Variants in CEP128 observed in about 807,000 individuals in gnomAD.
CEP128 encodes the protein centrosomal protein 128kDa.
A neutral mutation model predicts 156.7 loss-of-function variants in CEP128; 132 were observed. That is an observed-to-expected ratio of 0.84 (90% CI 0.73 to 0.97). The LOEUF is 0.97. Ranked by LOEUF, CEP128 falls within the 50% of genes least tolerant of loss-of-function variation. The pLI is 0.00. For synonymous variants in CEP128, 469 were observed against 448.9 expected (o/e 1.04, Z -0.57); for missense variants, 1,252 against 1,281.9 (o/e 0.98, Z 0.36).
At chr14:80,685,042 C>A (rs527583251) in intron 19 of CEP128, among the ~76,000 whole-genome samples, 1 of 152,054 alleles carries the variant, frequency 6.6e-6, no homozygotes, top group Admixed American at 6.6e-5. Flanking sequence ...TGGAACAATA[C>A]AAGGATGCCC....
At chr14:80,511,771 A>C (rs1034165184) in intron 23 of CEP128, among the ~76,000 whole-genome samples, 1 of 151,924 alleles carries the variant, frequency 6.6e-6, no homozygotes, top group Admixed American at 6.6e-5. Flanking sequence ...TGTACCCCAG[A>C]GGTTTTGATA....
chr14:80,559,253 A>G, intron 21 of CEP128, 26 bp downstream of exon 21: 1 of 1,598,444 alleles, frequency 6.3e-7, no homozygotes, highest in Non-Finnish European at 8.6e-7. Context: ...TTCTGATAAA[A>G]GGAGAAAGAA....
At chr14:80,707,751 TTCC>T (rs2139394261) in intron 19 of CEP128, among the ~76,000 whole-genome samples, 1 of 152,316 alleles carries the variant, frequency 6.6e-6, no homozygotes, top group East Asian at 1.9e-4. Flanking sequence ...ATTTGATTTA[TTCC>T]TCAAGACAAA....
intron 19 of CEP128, among the ~76,000 whole-genome samples, chr14:80,681,012 T>C (rs1896301132): frequency 6.9e-6 from 1 of 144,514 alleles, no homozygotes; most frequent in Non-Finnish European, 1.5e-5. Context: ...TATACGTATA[T>C]ACCATGCTGG....
intron 19 of CEP128, among the ~76,000 whole-genome samples, chr14:80,698,904 C>T (rs1896976395): frequency 6.6e-6 from 1 of 151,878 alleles, no homozygotes; most frequent in South Asian, 2.1e-4. Context: ...CATTTCATTC[C>T]CATTCTAGAT....
intron 21 of CEP128, among the ~76,000 whole-genome samples, chr14:80,543,765 T>A (rs1434780829): frequency 6.6e-6 from 1 of 152,208 alleles, no homozygotes; most frequent in Non-Finnish European, 1.5e-5. Flanking sequence ...TGAAGCTTTG[T>A]GGCTGGTAGC....
chr14:80,662,006 G>C (rs112844829), intron 19 of CEP128, among the ~76,000 whole-genome samples: 1 of 152,190 alleles, frequency 6.6e-6, no homozygotes, highest in African/African-American at 2.4e-5. Context: ...GAAGCTTCCT[G>C]GCTGCTTGGA....
At chr14:80,650,302 T>G (rs944006417) in intron 19 of CEP128, among the ~76,000 whole-genome samples, 7 of 152,208 alleles carry the variant, frequency 4.6e-5, no homozygotes, top group African/African-American at 7.2e-5. Flanking sequence ...CTTATCAGCT[T>G]AAGGAAAGTT....
At chr14:80,563,046 CA>C (rs764797382) in intron 20 of CEP128, among the ~76,000 whole-genome samples, 5 of 152,108 alleles carry the variant, frequency 3.3e-5, no homozygotes, top group Non-Finnish European at 5.9e-5. Context: ...ATAATTACAA[CA>C]AAATAAATTA....
chr14:80,655,978 T>C (rs1484677808), intron 19 of CEP128, among the ~76,000 whole-genome samples: 1 of 151,946 alleles, frequency 6.6e-6, no homozygotes, highest in Non-Finnish European at 1.5e-5. Context: ...GACCTACTAA[T>C]AAGACCTACT....
chr14:80,480,555 C>G (rs1887032357), intron 14 of CEP128, among the ~76,000 whole-genome samples: 2 of 152,132 alleles, frequency 1.3e-5, no homozygotes, highest in South Asian at 4.1e-4. Context: ...CCTCCTGGGC[C>G]TGCAGGCCTG....
At chr14:80,832,968 T>C (rs1041433715) in intron 12 of CEP128, among the ~76,000 whole-genome samples, 2 of 152,184 alleles carry the variant, frequency 1.3e-5, no homozygotes, top group African/African-American at 4.8e-5. Flanking sequence ...ATTCAACCAC[T>C]GTATTGCAAA....
chr14:80,846,224 G>C (rs1358399580), intron 9 of CEP128, among the ~76,000 whole-genome samples: 1 of 152,064 alleles, frequency 6.6e-6, no homozygotes, highest in Non-Finnish European at 1.5e-5. Flanking sequence ...TATGTGTCAG[G>C]CTTAAACACA....
chr14:80,659,070 T>C (rs1400536512), intron 19 of CEP128, among the ~76,000 whole-genome samples: 1 of 152,200 alleles, frequency 6.6e-6, no homozygotes, highest in Non-Finnish European at 1.5e-5. Flanking sequence ...TTGTGACAAG[T>C]GGTAAAATGT....
chr14:80,931,841 G>C (rs1885486989), intron 2 of CEP128, among the ~76,000 whole-genome samples: 1 of 152,220 alleles, frequency 6.6e-6, no homozygotes, highest in South Asian at 2.1e-4. Context: ...GACTGAGCCA[G>C]GGCCTTCTTT....
At chr14:80,771,766 T>C (rs1212457361) in intron 16 of CEP128, among the ~76,000 whole-genome samples, 1 of 152,216 alleles carries the variant, frequency 6.6e-6, no homozygotes, top group Non-Finnish European at 1.5e-5. Flanking sequence ...AGCATAGCTA[T>C]TGAAACAAGT....
chr14:80,788,526 G>C (rs1476362785), intron 14 of CEP128, among the ~76,000 whole-genome samples: 3 of 151,924 alleles, frequency 2.0e-5, no homozygotes, highest in African/African-American at 7.3e-5. Context: ...TCTTTCTCTT[G>C]TAAGACCTTA....
chr14:80,495,822 CTCA>C (rs1326913493), downstream of CEP128, among the ~76,000 whole-genome samples: 3 of 152,040 alleles, frequency 2.0e-5, no homozygotes, highest in African/African-American at 7.2e-5. Context: ...TTGATTTTCC[CTCA>C]TATTTTCTTC....
At position 80,707,601 on chromosome 14, in the gene CEP128, T is replaced by G. The variant is rs1041843175; in HGVS notation, c.2806+35474A>C. Among the ~76,000 whole-genome samples the G allele has an allele frequency of 5.9e-5, 9 of 152,156 alleles. No homozygotes were observed. In the East Asian group the frequency reaches 1.5e-3, roughly 26 times the overall value. On this transcript the variant is annotated intron_variant, in intron 19 of 24. Coordinates refer to ENST00000555265, the MANE Select transcript of CEP128 (RefSeq NM_152446.5). ...CTGTTTGTGAAGCTGTACATACACA[T>G]CAAACCCAAAATTTGTTTAAGATAA...
Sources: gnomAD v4.1 joint callset for allele counts (sites outside exome capture counted in the v4.1 genomes callset) on GRCh38, gnomAD v4.1.1 for gene constraint, MANE v1.5 for transcripts, NCBI Gene and HGNC (gene_info 2026-07-23, HGNC 2026-07-21) for gene names.